CENPW: variants seen among roughly 807,000 people sequenced by gnomAD.
The protein encoded by CENPW is centromere protein W.
CENPW carries 3 observed loss-of-function variants against 11.1 expected under a neutral mutation model. That is an observed-to-expected ratio of 0.27 (90% confidence interval 0.12 to 0.70). The LOEUF (loss-of-function observed/expected upper bound fraction) is 0.70. Among genes scored for constraint, CENPW ranks in the 30% least tolerant of loss-of-function variants. The probability of loss-of-function intolerance (pLI) is 0.77; values close to 1 mark genes in which losing one functional copy is unlikely to be tolerated. For synonymous variants in CENPW, 38 were observed against 42.0 expected, an observed-to-expected ratio of 0.91 and a Z score of 0.37; for missense variants, 100 against 105.6, an observed-to-expected ratio of 0.95 and a Z score of 0.23.
the CENPW span, among the ~76,000 whole-genome samples, chr6:126,401,482 C>T: frequency 3.3e-5 from 5 of 151,958 alleles, 1 homozygote; most frequent in Non-Finnish European, 7.4e-5. Context: ...GGCTATGATA[C>T]TGAGTCTTAG....
the CENPW span, among the ~76,000 whole-genome samples, chr6:126,354,397 A>C: frequency 3.3e-5 from 5 of 152,130 alleles, no homozygotes; most frequent in African/African-American, 4.8e-5. Context: ...GAGAATGCCA[A>C]AATCTCTGCT....
At chr6:126,448,319 T>C in the CENPW span, among the ~76,000 whole-genome samples, 44 of 151,296 alleles carry the variant, frequency 2.9e-4, no homozygotes, top group African/African-American at 1.0e-3. Flanking sequence ...GTACTTAATA[T>C]GTAGTCTGAT....
the CENPW span, among the ~76,000 whole-genome samples, chr6:126,465,330 C>T: frequency 6.6e-6 from 1 of 151,942 alleles, no homozygotes; most frequent in Non-Finnish European, 1.5e-5. Flanking sequence ...ACATATGAAT[C>T]ACCTGTACCT....
the CENPW span, among the ~76,000 whole-genome samples, chr6:126,362,269 C>G: frequency 2.0e-5 from 3 of 152,194 alleles, no homozygotes; most frequent in Non-Finnish European, 2.9e-5. Context: ...TGCACAAAAG[C>G]TCATGGGCTC....
At chr6:126,356,939 GTTTTAA>G in the CENPW span, among the ~76,000 whole-genome samples, 2 of 152,058 alleles carry the variant, frequency 1.3e-5, no homozygotes, top group African/African-American at 4.8e-5. Flanking sequence ...AAACTTTTTA[GTTTTAA>G]TTAGGTCCCA....
chr6:126,394,503 G>A, the CENPW span, among the ~76,000 whole-genome samples: 3 of 151,936 alleles, frequency 2.0e-5, no homozygotes, highest in African/African-American at 4.8e-5. Context: ...GTCTTGAAAC[G>A]TTGTAGTTAT....
At chr6:126,421,996 G>A in the CENPW span, among the ~76,000 whole-genome samples, 3 of 152,062 alleles carry the variant, frequency 2.0e-5, no homozygotes, top group Admixed American at 6.6e-5. Flanking sequence ...GAAATAACCA[G>A]AAGAAAAGGG....
the CENPW span, among the ~76,000 whole-genome samples, chr6:126,412,615 C>T: frequency 6.6e-6 from 1 of 152,080 alleles, no homozygotes; most frequent in South Asian, 2.1e-4. Flanking sequence ...AATCCAATTT[C>T]AGCCATTACT....
At chr6:126,435,722 A>C in the CENPW span, among the ~76,000 whole-genome samples, 1 of 151,906 alleles carries the variant, frequency 6.6e-6, no homozygotes, top group Non-Finnish European at 1.5e-5. Flanking sequence ...AGGCTGAGTC[A>C]CTTGCCCAGT....
At chr6:126,433,104 C>G in the CENPW span, among the ~76,000 whole-genome samples, 1 of 152,162 alleles carries the variant, frequency 6.6e-6, no homozygotes, top group African/African-American at 2.4e-5. Flanking sequence ...CAATCATATA[C>G]AGTAGTCCAT....
the CENPW span, among the ~76,000 whole-genome samples, chr6:126,428,284 T>C: frequency 6.6e-6 from 1 of 152,214 alleles, no homozygotes; most frequent in East Asian, 1.9e-4. Context: ...TAAATGCTGA[T>C]AAAAATGCAG....
the CENPW span, among the ~76,000 whole-genome samples, chr6:126,422,427 C>T: frequency 2.6e-5 from 4 of 152,174 alleles, no homozygotes; most frequent in Admixed American, 1.3e-4. Flanking sequence ...GGGCCTTTCT[C>T]CTTGGCTTGC....
At chr6:126,377,331 G>A in the CENPW span, among the ~76,000 whole-genome samples, 1 of 152,096 alleles carries the variant, frequency 6.6e-6, no homozygotes, top group Non-Finnish European at 1.5e-5. Context: ...ATCCTATTAT[G>A]AAGAAAAAAG....
the CENPW span, among the ~76,000 whole-genome samples, chr6:126,357,679 G>A: frequency 3.3e-5 from 5 of 151,834 alleles, no homozygotes; most frequent in African/African-American, 1.2e-4. Context: ...TGCAATTTCG[G>A]CTCACTGCAA....
chr6:126,343,544 TC>T, intron 1 of CENPW, among the ~76,000 whole-genome samples: 1 of 152,148 alleles, frequency 6.6e-6, no homozygotes, highest in Non-Finnish European at 1.5e-5. Flanking sequence ...CCAGTCCCAG[TC>T]CCCAAACCTC....
chr6:126,411,948 T>C, the CENPW span, among the ~76,000 whole-genome samples: 45,461 of 79,484 alleles, frequency 0.57, 10,906 homozygotes, highest in East Asian at 0.93. Context: ...TCCCTCCTTT[T>C]CCTCCCTCCC....
the CENPW span, among the ~76,000 whole-genome samples, chr6:126,402,361 C>T: frequency 2.0e-5 from 3 of 151,438 alleles, no homozygotes; most frequent in Admixed American, 2.0e-4. Context: ...GCCTTCCTTT[C>T]TTCCTTCCAT....
downstream of CENPW, among the ~76,000 whole-genome samples, chr6:126,352,412 T>G (rs368836560): frequency 1.2e-3 from 181 of 152,268 alleles, 1 homozygote; most frequent in African/African-American, 4.2e-3. Flanking sequence ...TTAGCTACAC[T>G]GAAGTATGAC....
chr6:126,469,125 T>C, the CENPW span, among the ~76,000 whole-genome samples: 2 of 152,268 alleles, frequency 1.3e-5, no homozygotes, highest in East Asian at 3.9e-4. Context: ...CTATGTTATA[T>C]GGTTTGGCTC....
Sources: gnomAD v4.1 joint callset for allele counts (sites outside exome capture counted in the v4.1 genomes callset) on GRCh38, gnomAD v4.1.1 for gene constraint, MANE v1.5 for transcripts, NCBI Gene and HGNC (gene_info 2026-07-23, HGNC 2026-07-21) for gene names.